Variants in CD163L1 observed in about 807,000 individuals in gnomAD.
CD163L1 encodes the protein CD163 molecule like 1.
A neutral mutation model predicts 165.4 loss-of-function variants in CD163L1; 124 were observed. That is an observed-to-expected ratio of 0.75 (90% CI 0.65 to 0.87). The LOEUF (loss-of-function observed/expected upper bound fraction) is 0.87, where lower values mean the gene tolerates loss of function less well. Ranked by LOEUF, CD163L1 falls within the 40% of genes least tolerant of loss-of-function variation. The probability of loss-of-function intolerance (pLI) is 0.00; values close to 1 mark genes in which losing one functional copy is unlikely to be tolerated. For synonymous variants in CD163L1, 585 were observed against 662.2 expected (o/e 0.88, Z 1.79); for missense variants, 1,525 against 1,799.9 (o/e 0.85, Z 2.76).
At chr12:7,411,764 T>C (rs965496476) in intron 4 of CD163L1, among the ~76,000 whole-genome samples, 3 of 152,044 alleles carry the variant, frequency 2.0e-5, no homozygotes, top group Non-Finnish European at 4.4e-5. Flanking sequence ...GACTAACACA[T>C]CCCCCAACCA....
intron 4 of CD163L1, 128 bp from the exon 5 acceptor site, chr12:7,406,980 T>C (rs977257769): frequency 2.3e-6 from 2 of 864,608 alleles, no homozygotes; most frequent in African/African-American, 3.4e-5. Context: ...TAACTCTTGC[T>C]TTTTAAAATT....
intron 18 of CD163L1, among the ~76,000 whole-genome samples, chr12:7,363,803 C>T (rs1228378445): frequency 1.3e-5 from 2 of 150,238 alleles, no homozygotes; most frequent in Non-Finnish European, 3.0e-5. Context: ...AAAAAAAAAC[C>T]TCTCACTAAA....
chr12:7,357,513 T>C (rs769171078), intron 18 of CD163L1, 27 bp from the exon 19 acceptor site: 3 of 1,601,534 alleles, frequency 1.9e-6, no homozygotes, highest in Admixed American at 3.3e-5. Flanking sequence ...ATCTGTATTA[T>C]TGAATAGTAG....
At chr12:7,321,872 T>C in the CD163L1 span, among the ~76,000 whole-genome samples, 1 of 152,210 alleles carries the variant, frequency 6.6e-6, no homozygotes, top group Non-Finnish European at 1.5e-5. Context: ...GTGGTGAGAA[T>C]TTAATGTAAG....
chr12:7,366,679 G>T (rs1382200244), intron 18 of CD163L1, among the ~76,000 whole-genome samples: 1 of 152,088 alleles, frequency 6.6e-6, no homozygotes, highest in African/African-American at 2.4e-5. Flanking sequence ...AGTAAAATTT[G>T]TTATAGCTAT....
Position 7,375,854 on chromosome 12 carries a change from AAG to A in CD163L1, c.2530_2531del (p.Leu844PhefsTer21), listed in dbSNP as rs762773428. 6.2e-7 allele frequency: 1 copy of A among 1,614,198 alleles called. No homozygotes were observed. Among genetic ancestry groups the A allele is most frequent in the Non-Finnish European group, 8.5e-7 (1 of 1,180,026 alleles). ...CTTTTCCAAAGTGATCTCCCACAGA[AAG>A]AGATATGGCATCTCCACAGTTTAAT... ...RELNCGDAIS[L>X]SVGDHFGKGN... On this transcript the variant is annotated frameshift_variant, in exon 10 of 20. Coordinates refer to ENST00000313599, the MANE Select transcript of CD163L1 (RefSeq NM_174941.6). LOFTEE classifies it high-confidence loss of function.
At position 7,431,274 on chromosome 12, in the gene CD163L1, G is replaced by A. The variant is rs1041794300; in HGVS notation, c.766+1142C>T. ...CACCTCTATTAAAAATACTGTAGCC[G>A]GGCGTGGTTGCGGGTGCCTGCAGTT... is the stretch of plus-strand genomic sequence containing the variant. On this transcript the variant is annotated intron_variant, in intron 4 of 19. Coordinates refer to ENST00000313599, the MANE Select transcript of CD163L1 (RefSeq NM_174941.6). 1.2e-4 allele frequency among the ~76,000 whole-genome samples: 19 copies of A among 152,002 alleles called. 1 individual carries two copies. Among genetic ancestry groups the A allele is most frequent in the South Asian group, 4.2e-4 (2 of 4,796 alleles).
At chr12:7,331,226 C>T in the CD163L1 span, among the ~76,000 whole-genome samples, 14 of 152,328 alleles carry the variant, frequency 9.2e-5, no homozygotes, top group African/African-American at 2.6e-4. Context: ...AAGATGGCAG[C>T]GAGGCTGGAG....
chr12:7,369,456 G>T lies in CD163L1; in HGVS notation c.3940C>A (p.Arg1314=), dbSNP rs372730324. The change falls in exon 15 of 20, where the codon CGG becomes AGG. Residue 1314 remains arginine, a synonymous_variant. Transcript: ENST00000313599. This position sits in a 1 kb window ranked among gnomAD's most constrained non-coding sequence, Gnocchi z 4.9. ...AGAAATGACTCATTTCCTTTGCACC[G>T]CATGTCATCCAACCAGATGGTTCCA... ...GTGTIWLDDM[R]CKGNESFLWD... The T allele has an allele frequency of 2.7e-5, 43 of 1,613,962 alleles. No homozygotes were observed. Among genetic ancestry groups the T allele is most frequent in the Admixed American group, 2.5e-4 (15 of 59,984 alleles).
At chr12:7,380,705 C>G (rs148642475) in intron 8 of CD163L1, among the ~76,000 whole-genome samples, 2 of 152,122 alleles carry the variant, frequency 1.3e-5, no homozygotes, top group East Asian at 3.9e-4. Flanking sequence ...ATGAGTGCAT[C>G]AAAATCTCAC....
intron 8 of CD163L1, among the ~76,000 whole-genome samples, chr12:7,395,491 G>A (rs1947753472): frequency 6.6e-6 from 1 of 152,148 alleles, no homozygotes; most frequent in African/African-American, 2.4e-5. Context: ...AATACCTAAT[G>A]TAAATGACAA....
chr12:7,410,163 T>C (rs1948106147), intron 4 of CD163L1, among the ~76,000 whole-genome samples: 1 of 151,560 alleles, frequency 6.6e-6, no homozygotes, highest in Non-Finnish European at 1.5e-5. Flanking sequence ...TACTGTAAAA[T>C]ACAAGCATAA....
At chr12:7,354,808 C>T (rs1479281940), downstream of CD163L1, among the ~76,000 whole-genome samples, 15 of 152,242 alleles carry the variant, frequency 9.9e-5, no homozygotes, top group African/African-American at 2.9e-4. Context: ...TCCATTATTA[C>T]GGGCACTAAT....
Position 7,432,787 on chromosome 12 carries a change from G to A in CD163L1, c.446-51C>T. On this transcript the variant is annotated intron_variant, in intron 3 of 19. Coordinates refer to ENST00000313599, the MANE Select transcript of CD163L1 (RefSeq NM_174941.6). This position sits in a 1 kb window ranked among gnomAD's most constrained non-coding sequence, Gnocchi z 4.2. ...GAAAAACTGATTCAACTTTGAGCCT[G>A]AAATAAAATCAAAAGGATACGTAGA... 6.8e-7 allele frequency: 1 copy of A among 1,465,144 alleles called. No individual in the cohort carries two copies. Among genetic ancestry groups the A allele is most frequent in the East Asian group, 2.3e-5 (1 of 43,712 alleles). The allele number at this position is 1,465,144 out of a possible 1,614,324, so 90.8% of individuals were successfully genotyped here.
rs1947166471 is a variant in CD163L1 at position 7,372,554 on chromosome 12, A to G, written c.3730+766T>C. On this transcript the variant is annotated intron_variant, in intron 14 of 19. Coordinates refer to ENST00000313599, the MANE Select transcript of CD163L1 (RefSeq NM_174941.6). The surrounding 1 kb of genome is among the most constrained non-coding windows in gnomAD (Gnocchi z 4.2). Reference sequence around the variant, plus strand: ...AGGCTATTCATTGAAATTAGAATATATTTACAGTATACTTTTACATATAAA... The same window carrying G: ...AGGCTATTCATTGAAATTAGAATATGTTTACAGTATACTTTTACATATAAA... Among the ~76,000 whole-genome samples, 1 of 152,086 alleles carries G rather than the reference A, an allele frequency of 6.6e-6. No individual in the cohort carries two copies. Among genetic ancestry groups the G allele is most frequent in the Admixed American group, 6.5e-5 (1 of 15,280 alleles).
chr12:7,337,844 T>C, the CD163L1 span, among the ~76,000 whole-genome samples: 2 of 152,160 alleles, frequency 1.3e-5, no homozygotes, highest in Non-Finnish European at 2.9e-5. Context: ...TATAAATCAT[T>C]CTACTATAAA....
In CD163L1 at chr12:7,375,445, G is replaced by A. The variant is rs74352089; in HGVS notation, c.2837C>T (p.Ala946Val). 6.5e-4 allele frequency: 1,051 copies of A among 1,614,196 alleles called. 11 individuals carry two copies. In the East Asian group the frequency reaches 0.02, roughly 31 times the overall value. ...ATATTTTCCTCCTGTGGTTGAGAGA[G>A]CAGTCCCACAGCTGAGCTGTCTGCA... ...VLCRQLSCGT[A>V]LSTTGGKYIG... Residue 946 changes from alanine (A) to valine (V), a missense_variant, in exon 11 of 20, where the codon GCT becomes GTT. By Grantham distance (64) the Ala-to-Val change is moderately conservative. Transcript: ENST00000313599.
Position 7,403,617 on chromosome 12 carries a change from C to G in CD163L1, c.1326G>C (p.Glu442Asp). 1 of 1,614,006 alleles carries G rather than the reference C, an allele frequency of 6.2e-7. No individual in the cohort carries two copies. Among genetic ancestry groups the G allele is most frequent in the Non-Finnish European group, 8.5e-7 (1 of 1,179,962 alleles). Residue 442 changes from glutamate (E) to aspartate (D), a missense_variant, in exon 6 of 20, where the codon GAG becomes GAC. Glu to Asp is a conservative substitution (Grantham distance 45, BLOSUM62 2). Transcript: ENST00000313599. The part of the protein sequence containing the change: ...WINSISCTGN[E>D]SALWDCTYDG... ...CATATGTGCAGTCCCAGAGAGCTGA[C>G]TCATTCCCAGTGCAAGATATGCTGT...
At chr12:7,424,515 G>A (rs112376856) in intron 4 of CD163L1, among the ~76,000 whole-genome samples, 1 of 152,038 alleles carries the variant, frequency 6.6e-6, no homozygotes, top group Non-Finnish European at 1.5e-5. Context: ...AGAAATAAAG[G>A]GTATTCAAAT....
Sources: gnomAD v4.1 joint callset for allele counts (sites outside exome capture counted in the v4.1 genomes callset) on GRCh38, gnomAD v4.1.1 for gene constraint, Gnocchi (gnomAD v3.1) non-coding constraint, MANE v1.5 for transcripts, NCBI Gene and HGNC (gene_info 2026-07-23, HGNC 2026-07-21) for gene names.